The following TRERF1 variants were observed in gnomAD, a reference collection of about 807,000 sequenced individuals.
The protein encoded by TRERF1 is transcriptional-regulating factor 1.
In TRERF1, 27 loss-of-function variants were observed where a neutral mutation model predicts 122.9. The observed-to-expected ratio is 0.22, with a 90% CI of 0.16 to 0.30. TRERF1 has a LOEUF of 0.30. Among genes scored for constraint, TRERF1 ranks in the 10% least tolerant of loss-of-function variants. TRERF1 has a pLI of 1.00. For missense variants in TRERF1, 1,248 were observed against 1,560.3 expected (o/e 0.80, Z 3.37); for synonymous variants, 636 against 641.7 (o/e 0.99, Z 0.13).
At chr6:42,280,529 C>A (rs1782121167) in intron 4 of TRERF1, among the ~76,000 whole-genome samples, 1 of 152,242 alleles carries the variant, frequency 6.6e-6, no homozygotes, top group Non-Finnish European at 1.5e-5. Context: ...TGACCCAGGG[C>A]AGCCAGGAAG....
intron 2 of TRERF1, among the ~76,000 whole-genome samples, chr6:42,370,863 A>G (rs1581837543): frequency 6.6e-6 from 1 of 152,134 alleles, no homozygotes. Flanking sequence ...CTGGCCCCTG[A>G]GGAGGATCCA....
At chr6:42,298,992 G>C (rs77465542) in intron 4 of TRERF1, among the ~76,000 whole-genome samples, 2,983 of 152,026 alleles carry the variant, frequency 0.02, 109 homozygotes, top group East Asian at 0.097. Flanking sequence ...AGCTAAGGTA[G>C]CTCCTCGGGA....
chr6:42,397,572 C>T (rs1169112994), intron 2 of TRERF1, among the ~76,000 whole-genome samples: 1 of 152,144 alleles, frequency 6.6e-6, no homozygotes, highest in African/African-American at 2.4e-5. Context: ...AATGCCACCT[C>T]CTATTCAGCC....
intron 3 of TRERF1, among the ~76,000 whole-genome samples, chr6:42,306,937 C>T (rs1787370911): frequency 6.6e-6 from 1 of 152,176 alleles, no homozygotes; most frequent in Non-Finnish European, 1.5e-5. Flanking sequence ...GATTACACAT[C>T]AGAATCACCT....
chr6:42,259,214 C>T lies in TRERF1; in HGVS notation c.2269+125G>A, dbSNP rs982349678. 7 of 1,277,748 alleles carry T rather than the reference C, an allele frequency of 5.5e-6. No individual in the cohort carries two copies. In the African/African-American group the frequency reaches 1.1e-4, roughly 19 times the overall value. 79.2% of individuals were successfully genotyped at this position (1,277,748 alleles called of 1,614,324 possible). On this transcript the variant is annotated intron_variant, in intron 9 of 17. Coordinates refer to ENST00000372922, the Ensembl canonical transcript of TRERF1. This position sits in a 1 kb window ranked among gnomAD's most constrained non-coding sequence, Gnocchi z 4.9. ...AAGTCTTTCTTAACACCCAGCAGCG[C>T]GTGCTACATACAGCCAATACTCCGC...
At chr6:42,418,218 C>CTTTTTTTTTTTTTTTTTTTTTTT (rs34388801) in intron 2 of TRERF1, among the ~76,000 whole-genome samples, 1 of 34,654 alleles carries the variant, frequency 2.9e-5, no homozygotes, top group African/African-American at 1.1e-4. Context: ...TTTTTCTTTC[C>CTTTTTTTTTTTTTTTTTTTTTTT]TTTTTTTTTT....
chr6:42,354,003 G>A (rs931257375), intron 3 of TRERF1, among the ~76,000 whole-genome samples: 3 of 152,248 alleles, frequency 2.0e-5, no homozygotes, highest in South Asian at 2.1e-4. Flanking sequence ...AATTTCAAAC[G>A]TACACAAAAG....
intron 3 of TRERF1, among the ~76,000 whole-genome samples, chr6:42,323,050 A>G (rs930659427): frequency 1.3e-5 from 2 of 148,800 alleles, no homozygotes; most frequent in African/African-American, 5.2e-5. Flanking sequence ...TGCCCTCTCC[A>G]TTGCCTATCT....
At chr6:42,380,369 AC>A (rs759686548) in intron 2 of TRERF1, among the ~76,000 whole-genome samples, 14 of 152,174 alleles carry the variant, frequency 9.2e-5, no homozygotes, top group Non-Finnish European at 1.6e-4. Context: ...TTCCCCGACC[AC>A]TGCTATTACC....
chr6:42,302,577 G>A (rs970049416), intron 3 of TRERF1, among the ~76,000 whole-genome samples: 10 of 152,166 alleles, frequency 6.6e-5, no homozygotes, highest in South Asian at 2.1e-4. Flanking sequence ...AAATTCTAGC[G>A]ATAAGCACAT....
chr6:42,370,286 G>A (rs572439157), intron 2 of TRERF1, among the ~76,000 whole-genome samples: 1 of 152,276 alleles, frequency 6.6e-6, no homozygotes, highest in Admixed American at 6.5e-5. Flanking sequence ...AAATTGTCTG[G>A]GAAGTATGCA....
chr6:42,266,277 C>A (rs1448045909), intron 5 of TRERF1, among the ~76,000 whole-genome samples: 2 of 151,684 alleles, frequency 1.3e-5, no homozygotes, highest in African/African-American at 4.9e-5. Flanking sequence ...CAGCCTCCAC[C>A]ACCTGGACTT....
At chr6:42,404,863 C>T (rs1779944380) in intron 2 of TRERF1, among the ~76,000 whole-genome samples, 1 of 152,158 alleles carries the variant, frequency 6.6e-6, no homozygotes, top group Non-Finnish European at 1.5e-5. Flanking sequence ...TTCTCATTTG[C>T]AGGACTAAGA....
rs59659324 is a variant in TRERF1 at position 42,295,748 on chromosome 6, G to C, written c.-259+4890C>G. 1.1e-3 allele frequency among the ~76,000 whole-genome samples: 174 copies of C among 152,234 alleles called. 1 individual carries two copies. In the East Asian group the frequency reaches 0.022, roughly 19 times the overall value. ...TTACAAAGTCCTCTTGTGATGAATAGACTTTAATTTTAGAGTAGTTTTAGA... is the reference window on the plus strand; with the variant it reads ...TTACAAAGTCCTCTTGTGATGAATACACTTTAATTTTAGAGTAGTTTTAGA... On this transcript the variant is annotated intron_variant, in intron 4 of 17. Coordinates refer to ENST00000372922, the Ensembl canonical transcript of TRERF1.
At chr6:42,399,781 C>A (rs1332542334) in intron 2 of TRERF1, among the ~76,000 whole-genome samples, 1 of 152,176 alleles carries the variant, frequency 6.6e-6, no homozygotes, top group Non-Finnish European at 1.5e-5. Flanking sequence ...GCATTCTGAA[C>A]ATGTCTGGTA....
intron 3 of TRERF1, among the ~76,000 whole-genome samples, chr6:42,354,148 G>A (rs1270209893): frequency 2.0e-5 from 3 of 152,176 alleles, no homozygotes; most frequent in East Asian, 1.9e-4. Context: ...GCCTTGGAGG[G>A]TGATTGTGTC....
chr6:42,312,517 T>C (rs1383547081), intron 3 of TRERF1, among the ~76,000 whole-genome samples: 1 of 152,212 alleles, frequency 6.6e-6, no homozygotes, highest in Non-Finnish European at 1.5e-5. Context: ...TCTCTGATCC[T>C]CGGCATTCCC....
intron 2 of TRERF1, among the ~76,000 whole-genome samples, chr6:42,370,179 T>C (rs1332088489): frequency 2.6e-5 from 4 of 152,150 alleles, no homozygotes; most frequent in Non-Finnish European, 5.9e-5. Context: ...GGAAAGCATA[T>C]ATTCTTTTCA....
At chr6:42,415,041 T>G (rs1781634848) in intron 2 of TRERF1, among the ~76,000 whole-genome samples, 1 of 152,232 alleles carries the variant, frequency 6.6e-6, no homozygotes, top group Admixed American at 6.5e-5. Flanking sequence ...TAATTTTTCT[T>G]TACACTGTCA....
Sources: gnomAD v4.1 joint callset for allele counts (sites outside exome capture counted in the v4.1 genomes callset) on GRCh38, gnomAD v4.1.1 for gene constraint, Gnocchi (gnomAD v3.1) non-coding constraint, MANE v1.5 for transcripts, NCBI Gene and HGNC (gene_info 2026-07-23, HGNC 2026-07-21) for gene names.